Variants in SGCZ observed in about 807,000 individuals in gnomAD.
SGCZ encodes the protein zeta-sarcoglycan.
SGCZ carries 40 observed loss-of-function variants against 41.3 expected under a neutral mutation model. The ratio of observed to expected loss-of-function variants is 0.97; its 90% CI spans 0.75 to 1.26. The LOEUF is 1.26. Among genes scored for constraint, SGCZ ranks in the 50% most tolerant of loss-of-function variants. The probability of loss-of-function intolerance (pLI) is 0.00; values close to 1 mark genes in which losing one functional copy is unlikely to be tolerated. For synonymous variants in SGCZ, 206 were observed against 137.5 expected, an observed-to-expected ratio of 1.50 and a Z score of -3.49; for missense variants, 552 against 369.8, an observed-to-expected ratio of 1.49 and a Z score of -4.04.
At chr8:14,685,693 G>A (rs1808589475) in intron 1 of SGCZ, among the ~76,000 whole-genome samples, 1 of 151,806 alleles carries the variant, frequency 6.6e-6, no homozygotes. Flanking sequence ...CACCAATATT[G>A]GTATCTATTA....
At chr8:14,796,215 T>C (rs1382476810) in intron 1 of SGCZ, among the ~76,000 whole-genome samples, 1 of 152,214 alleles carries the variant, frequency 6.6e-6, no homozygotes, top group Non-Finnish European at 1.5e-5. Flanking sequence ...GGATTGAATG[T>C]TATTTCTGTC....
chr8:14,851,870 G>C (rs1186534639), intron 1 of SGCZ, among the ~76,000 whole-genome samples: 1 of 151,982 alleles, frequency 6.6e-6, no homozygotes, highest in Non-Finnish European at 1.5e-5. Flanking sequence ...GAACAAAACA[G>C]TGTTATATGC....
intron 1 of SGCZ, among the ~76,000 whole-genome samples, chr8:15,180,443 G>C (rs1009057356): frequency 2.6e-5 from 4 of 152,136 alleles, no homozygotes; most frequent in East Asian, 1.9e-4. Context: ...CTAAAAGGAA[G>C]ACTTAGTCTG....
chr8:14,862,391 T>C (rs1803781557), intron 1 of SGCZ, among the ~76,000 whole-genome samples: 1 of 151,542 alleles, frequency 6.6e-6, no homozygotes, highest in African/African-American at 2.4e-5. Flanking sequence ...ATGAGAAAAA[T>C]GGAGAACATC....
At chr8:15,056,195 C>G (rs1265136511) in intron 1 of SGCZ, among the ~76,000 whole-genome samples, 1 of 152,206 alleles carries the variant, frequency 6.6e-6, no homozygotes, top group Non-Finnish European at 1.5e-5. Context: ...CGCAAGGACT[C>G]TTTCCTTCCA....
At chr8:14,590,196 G>C (rs1001241834) in intron 1 of SGCZ, among the ~76,000 whole-genome samples, 2 of 152,000 alleles carry the variant, frequency 1.3e-5, no homozygotes, top group African/African-American at 4.8e-5. Context: ...AGAAAAAATA[G>C]ATTTAAATAT....
chr8:14,157,100 A>T (rs923618637), intron 5 of SGCZ, among the ~76,000 whole-genome samples: 82 of 152,016 alleles, frequency 5.4e-4, no homozygotes, highest in African/African-American at 1.9e-3. Context: ...AGGTTTGTTT[A>T]CATTGGCATC....
At chr8:14,912,230 C>G (rs1050329530) in intron 1 of SGCZ, among the ~76,000 whole-genome samples, 4 of 151,964 alleles carry the variant, frequency 2.6e-5, no homozygotes, top group African/African-American at 9.7e-5. Context: ...CATTAAGAGA[C>G]AGACCCACCT....
rs868328272 is a variant in SGCZ at position 14,230,910 on chromosome 8, T to C, written c.424+6682A>G. Among the ~76,000 whole-genome samples, 4 of 152,022 alleles carry C rather than the reference T, an allele frequency of 2.6e-5. 1 individual carries two copies. Among genetic ancestry groups the C allele is most frequent in the South Asian group, 4.2e-4 (2 of 4,818 alleles). ...CTACTGGTTAAAAAGTAAAGGAATA[T>C]AGTTTCCCTTAAACATACGTGGTTG... is the stretch of plus-strand genomic sequence containing the variant. On this transcript the variant is annotated intron_variant, in intron 4 of 7. Coordinates refer to ENST00000382080, the MANE Select transcript of SGCZ (RefSeq NM_139167.4).
chr8:14,983,850 T>C (rs893901560), intron 1 of SGCZ, among the ~76,000 whole-genome samples: 1 of 152,218 alleles, frequency 6.6e-6, no homozygotes, highest in African/African-American at 2.4e-5. Flanking sequence ...CTGCATTCTA[T>C]ATCTATTATA....
intron 1 of SGCZ, among the ~76,000 whole-genome samples, chr8:15,202,157 C>A (rs1800910301): frequency 6.6e-6 from 1 of 152,072 alleles, no homozygotes; most frequent in Non-Finnish European, 1.5e-5. Context: ...AATATCAAAG[C>A]AAAGGAGGAA....
intron 1 of SGCZ, among the ~76,000 whole-genome samples, chr8:14,897,014 C>T (rs982505123): frequency 3.3e-5 from 5 of 150,988 alleles, no homozygotes; most frequent in African/African-American, 7.3e-5. Context: ...GAACTCCTGA[C>T]CTCATGATTC....
chr8:14,777,087 A>G (rs1800427207), intron 1 of SGCZ, among the ~76,000 whole-genome samples: 1 of 152,188 alleles, frequency 6.6e-6, no homozygotes, highest in African/African-American at 2.4e-5. Flanking sequence ...TGCAGTGAAT[A>G]CAGACTGTTA....
intron 1 of SGCZ, among the ~76,000 whole-genome samples, chr8:14,837,852 T>C (rs533971371): frequency 6.6e-6 from 1 of 152,302 alleles, no homozygotes; most frequent in East Asian, 1.9e-4. Context: ...TTTGATACAA[T>C]GTATAATAAT....
chr8:14,120,688 A>C (rs1309507788), intron 5 of SGCZ, among the ~76,000 whole-genome samples: 1 of 152,122 alleles, frequency 6.6e-6, no homozygotes, highest in Non-Finnish European at 1.5e-5. Context: ...TACAATTAGA[A>C]AACAAATTTG....
At chr8:14,187,890 A>G (rs1435438101) in intron 4 of SGCZ, among the ~76,000 whole-genome samples, 1 of 152,178 alleles carries the variant, frequency 6.6e-6, no homozygotes, top group Non-Finnish European at 1.5e-5. Flanking sequence ...TGGATGCATC[A>G]TAATAAAAAT....
At chr8:14,678,824 C>G (rs1337477549) in intron 1 of SGCZ, among the ~76,000 whole-genome samples, 4 of 152,114 alleles carry the variant, frequency 2.6e-5, no homozygotes, top group Non-Finnish European at 5.9e-5. Context: ...CTGGTACACC[C>G]AGATGATGGA....
At chr8:15,140,020 A>G (rs534706348) in intron 1 of SGCZ, among the ~76,000 whole-genome samples, 1 of 151,796 alleles carries the variant, frequency 6.6e-6, no homozygotes, top group African/African-American at 2.4e-5. Context: ...CTGGTTATAA[A>G]GCCTTTTTTT....
intron 1 of SGCZ, among the ~76,000 whole-genome samples, chr8:14,970,924 A>T (rs1473214770): frequency 1.3e-5 from 2 of 152,324 alleles, no homozygotes; most frequent in East Asian, 3.9e-4. Context: ...CTTTCCAGCC[A>T]TGAATACTAC....
Sources: allele counts gnomAD v4.1 joint callset (sites outside exome capture counted in the v4.1 genomes callset), GRCh38; gene constraint gnomAD v4.1.1; transcripts MANE v1.5; gene names NCBI Gene and HGNC (gene_info 2026-07-23, HGNC 2026-07-21).